Variants in BAG6 observed in about 807,000 individuals in gnomAD.
BAG6 encodes the protein BAG cochaperone 6, also known as large proline-rich protein BAG6.
BAG6 carries 22 observed loss-of-function variants against 121.0 expected under a neutral mutation model. The ratio of observed to expected loss-of-function variants is 0.18; its 90% CI spans 0.13 to 0.26. BAG6 has a LOEUF of 0.26. Among genes scored for constraint, BAG6 ranks in the 10% least tolerant of loss-of-function variants. BAG6 has a pLI of 1.00. For synonymous variants in BAG6, 583 were observed against 584.6 expected, an observed-to-expected ratio of 1.00 and a Z score of 0.04; for missense variants, 1,233 against 1,537.7, an observed-to-expected ratio of 0.80 and a Z score of 3.31.
chr6:31,641,434 G>A lies in BAG6; in HGVS notation c.2560-12C>T, dbSNP rs1461895036. Reference sequence around the variant, plus strand: ...ACCTGCACCAAGGACTGAGAGACAAGATAACACAAAGATCCCAAAATCAAG... The same window carrying A: ...ACCTGCACCAAGGACTGAGAGACAAAATAACACAAAGATCCCAAAATCAAG... On this transcript the variant is annotated splice_polypyrimidine_tract_variant and intron_variant, in intron 18 of 25. Coordinates refer to ENST00000676615, the MANE Select transcript of BAG6 (RefSeq NM_001387994.1). The surrounding 1 kb of genome is among the most constrained non-coding windows in gnomAD (Gnocchi z 5.7). The A allele has an allele frequency of 6.2e-7, 1 of 1,614,144 alleles. No homozygotes were observed. The highest frequency in any genetic ancestry group is 8.5e-7 in the Non-Finnish European group (1 of 1,180,014).
At chr6:31,648,396 C>T (rs182126612) in intron 6 of BAG6, among the ~76,000 whole-genome samples, 190 of 139,064 alleles carry the variant, frequency 1.4e-3, no homozygotes, top group African/African-American at 5.2e-3. Flanking sequence ...GTTGGTTTCC[C>T]AGCCTCCACA....
Position 31,643,919 on chromosome 6 carries a change from CCCA to C in BAG6, c.1724_1726del (p.Val575del). 1 of 1,613,426 alleles carries C rather than the reference CCCA, an allele frequency of 6.2e-7. No homozygotes were observed. Among genetic ancestry groups the C allele is most frequent in the Non-Finnish European group, 8.5e-7 (1 of 1,180,004 alleles). ...AAGGACTGGCTGCATAAGAAGCTGC[CCCA>C]CAAGGCCGCTCACCATCTGGGCCAA... On this transcript the variant is annotated inframe_deletion, in exon 14 of 26. Transcript: ENST00000676615.
At position 31,640,329 on chromosome 6, in the gene BAG6, G is replaced by T. The variant is rs1245973299; in HGVS notation, c.3139-23C>A. 1 of 1,614,200 alleles carries T rather than the reference G, an allele frequency of 6.2e-7. No individual in the cohort carries two copies. The highest frequency in any genetic ancestry group is 8.5e-7 in the Non-Finnish European group (1 of 1,180,020). On this transcript the variant is annotated intron_variant, in intron 23 of 25. Coordinates refer to ENST00000676615, the MANE Select transcript of BAG6 (RefSeq NM_001387994.1). The surrounding 1 kb of genome is among the most constrained non-coding windows in gnomAD (Gnocchi z 4.2). Reference sequence around the variant, plus strand: ...TTCCTGGGGAGGAAAAGAGAAAATAGTAATGTCCTTGACTTTCAGCTGCCA... The same window carrying T: ...TTCCTGGGGAGGAAAAGAGAAAATATTAATGTCCTTGACTTTCAGCTGCCA...
chr6:31,644,836 C>G lies in BAG6; in HGVS notation c.1369+110G>C. ...TTAAGCTTCTGCTCTGGTCCCCAGG[C>G]TACCACCACCAGCATGTGCCTCTCC... On this transcript the variant is annotated intron_variant, in intron 10 of 25. Coordinates refer to ENST00000676615, the MANE Select transcript of BAG6 (RefSeq NM_001387994.1). This position sits in a 1 kb window ranked among gnomAD's most constrained non-coding sequence, Gnocchi z 4.9. 1 of 1,498,080 alleles carries G rather than the reference C, an allele frequency of 6.7e-7. No homozygotes were observed. 92.8% of individuals were successfully genotyped at this position (1,498,080 alleles called of 1,614,324 possible). A position where few individuals can be genotyped will look rare whatever the true frequency, so the allele number is the denominator to read the frequency against.
rs767300755 is a variant in BAG6, at chr6:31,641,790, G to T, written c.2491C>A (p.Pro831Thr). 1.9e-6 allele frequency: 3 copies of T among 1,613,226 alleles called. No homozygotes were observed. The highest frequency in any genetic ancestry group is 2.5e-6 in the Non-Finnish European group (3 of 1,180,010). Residue 831 changes from proline to threonine, a missense_variant, in exon 17 of 26, where the codon CCC (proline) becomes ACC (threonine). Coordinates refer to ENST00000676615, the MANE Select transcript of BAG6 (RefSeq NM_001387994.1). This position sits in a 1 kb window ranked among gnomAD's most constrained non-coding sequence, Gnocchi z 5.7. ...CCTTCATTTACCCGGATGTTACTGG[G>T]TGTGGGCTCCTGACCACCCAGGTAG... is the stretch of plus-strand genomic sequence containing the variant. ...QHYLGGQEPTPSNIRMATHTL... is the reference protein window; with the variant it reads ...QHYLGGQEPTTSNIRMATHTL...
In BAG6 at chr6:31,644,625, T is replaced by C; in HGVS notation, c.1370-23A>G. ...AATCTGGGCAGGGAGACAGAGACAG[T>C]GGCCCTGAGGTAGGTAGGGCCAAGG... On this transcript the variant is annotated intron_variant, in intron 10 of 25. Transcript: ENST00000676615. This position sits in a 1 kb window ranked among gnomAD's most constrained non-coding sequence, Gnocchi z 4.9. 1 of 1,610,836 alleles carries C rather than the reference T, an allele frequency of 6.2e-7. No individual in the cohort carries two copies. Among genetic ancestry groups the C allele is most frequent in the East Asian group, 2.2e-5 (1 of 44,864 alleles).
Position 31,648,893 on chromosome 6 carries a change from T to C in BAG6, c.477+18A>G. ...TCTCCCAGATCCCCTTCCCTGACCC[T>C]CGGAGGCCCCTCAATACCTGAATCG... On this transcript the variant is annotated intron_variant, in intron 5 of 25. Coordinates refer to ENST00000676615, the MANE Select transcript of BAG6 (RefSeq NM_001387994.1). The C allele has an allele frequency of 6.5e-7, 1 of 1,545,242 alleles. No individual in the cohort carries two copies. The highest frequency in any genetic ancestry group is 8.7e-7 in the Non-Finnish European group (1 of 1,146,530).
intron 15 of BAG6, 80 bp from the exon 16 acceptor site, chr6:31,642,483 C>T: frequency 1.4e-6 from 1 of 700,584 alleles, no homozygotes; most frequent in Non-Finnish European, 2.4e-6. Flanking sequence ...ATCAAGAGGG[C>T]ACAAACCAAC....
rs1034496932 is a variant in BAG6 at position 31,644,614 on chromosome 6, G to A, written c.1370-12C>T. 2.5e-6 allele frequency: 4 copies of A among 1,612,062 alleles called. No individual in the cohort carries two copies. The African/African-American group carries it at 5.3e-5, about 22-fold the overall frequency. On this transcript the variant is annotated splice_polypyrimidine_tract_variant and intron_variant, in intron 10 of 25. Transcript: ENST00000676615. This position sits in a 1 kb window ranked among gnomAD's most constrained non-coding sequence, Gnocchi z 4.9. The stretch of plus-strand genomic sequence containing the variant: ...CTGTGTGCCAGAATCTGGGCAGGGA[G>A]ACAGAGACAGTGGCCCTGAGGTAGG...
At chr6:31,639,710 T>C in intron 24 of BAG6, 64 bp from the exon 25 acceptor site, 1 of 1,543,298 alleles carries the variant, frequency 6.5e-7, no homozygotes, top group Non-Finnish European at 8.8e-7. Context: ...ACCATCCGGC[T>C]CACCCTTTCC....
chr6:31,649,278 G>C lies in BAG6; in HGVS notation c.344C>G (p.Pro115Arg). The stretch of plus-strand genomic sequence containing the variant: ...AGAGGCCCCAGGCCCCCGAGTACCA[G>C]GGGGGGATCCCCCACCATGAGTGGC... ...ASATHGGGSP[P>R]GTRGPGASVH... Residue 115 changes from proline to arginine, a missense_variant, in exon 4 of 26, where the codon CCT becomes CGT. Physicochemically the swap from Pro to Arg is moderately radical, Grantham distance 103 (BLOSUM62 -2). Coordinates refer to ENST00000676615, the MANE Select transcript of BAG6 (RefSeq NM_001387994.1). The C allele has an allele frequency of 6.2e-7, 1 of 1,612,550 alleles. No individual in the cohort carries two copies. The highest frequency in any genetic ancestry group is 2.2e-5 in the East Asian group (1 of 44,868).
chr6:31,647,690 G>A lies in BAG6; in HGVS notation c.689C>T (p.Ala230Val), dbSNP rs142092554. The change falls in exon 7 of 26, where the codon GCA becomes GTA. Residue 230 changes from alanine (A) to valine (V), a missense_variant. Coordinates refer to ENST00000676615, the MANE Select transcript of BAG6 (RefSeq NM_001387994.1). ...TGGGGCACGCTCCTCCACTTCTTCT[G>A]CCTCCATGGGCTCCCGGGGAGGTGC... ...SEAPPREPMEAEEVEERAPAQ... is the reference protein window; with the variant it reads ...SEAPPREPMEVEEVEERAPAQ... The A allele has an allele frequency of 2.5e-6, 4 of 1,603,716 alleles. No individual in the cohort carries two copies. Among genetic ancestry groups the A allele is most frequent in the East Asian group, 2.3e-5 (1 of 44,042 alleles).
At chr6:31,647,999 C>T in intron 6 of BAG6, 173 bp from the exon 7 acceptor site, 4 of 462,274 alleles carry the variant, frequency 8.7e-6, no homozygotes, top group Non-Finnish European at 1.1e-5. Context: ...AAATTAGATG[C>T]ATAATAAGCA....
chr6:31,639,269 T>A, intron 25 of BAG6, 43 bp from the exon 26 acceptor site: 1 of 1,563,576 alleles, frequency 6.4e-7, no homozygotes, highest in Non-Finnish European at 8.8e-7. Flanking sequence ...GCTGGCCAAG[T>A]CCCCATGATC....
chr6:31,643,150 C>A, intron 14 of BAG6, 35 bp from the exon 15 acceptor site: 2 of 1,523,000 alleles, frequency 1.3e-6, no homozygotes, highest in South Asian at 1.2e-5. Context: ...CTGGGCTGAG[C>A]ATGGTGGCTC....
chr6:31,649,580 G>A lies in BAG6; in HGVS notation c.156C>T (p.Ile52=), dbSNP rs1039316583. ...FKEHIAASVS[I]PSEKQRLIYQ... ...AAATGAGCCGTTGTTTTTCAGATGG[G>A]ATGCTGACAGAGGCAGCAATGTGCT... Residue 52 remains isoleucine (I), a synonymous_variant, in exon 3 of 26, where the codon ATC becomes ATT. Coordinates refer to ENST00000676615, the MANE Select transcript of BAG6 (RefSeq NM_001387994.1). The A allele has an allele frequency of 6.2e-7, 1 of 1,614,142 alleles. No individual in the cohort carries two copies. The highest frequency in any genetic ancestry group is 8.5e-7 in the Non-Finnish European group (1 of 1,180,048).
chr6:31,645,082 A>C lies in BAG6; in HGVS notation c.1233T>G (p.Ser411=). Residue 411 remains serine, a synonymous_variant, in exon 10 of 26, where the codon TCT becomes TCG. Coordinates refer to ENST00000676615, the MANE Select transcript of BAG6 (RefSeq NM_001387994.1). ...CCTCAGCTGAGGACTCGACATTGGT[A>C]GAAGACGGAGCCACGGATGAGGCCT... ...PGQASSVAPS[S]TNVESSAEGA... is the part of the protein sequence containing the mutation. 6.2e-7 allele frequency: 1 copy of C among 1,612,970 alleles called. No homozygotes were observed. Among genetic ancestry groups the C allele is most frequent in the Non-Finnish European group, 8.5e-7 (1 of 1,180,006 alleles).
In BAG6 at chr6:31,642,951, G is replaced by T; in HGVS notation, c.1921C>A (p.Leu641Met). The part of the protein sequence containing the change: ...SMADLQFSQL[L>M]GNLLGPAGPG... Reference sequence around the variant, plus strand: ...CCTGCAGGCCCTAGCAGGTTCCCCAGAAGCTGAGAGAACTGAAGATCAGCC... The same window carrying T: ...CCTGCAGGCCCTAGCAGGTTCCCCATAAGCTGAGAGAACTGAAGATCAGCC... Residue 641 changes from leucine to methionine, a missense_variant, in exon 15 of 26, where the codon CTG becomes ATG. This residue lies in a region of BAG6 where 777 missense variants were observed against 861.4 expected (regional missense o/e 0.90). Transcript: ENST00000676615. 6.2e-7 allele frequency: 1 copy of T among 1,605,526 alleles called. No individual in the cohort carries two copies. The highest frequency in any genetic ancestry group is 8.5e-7 in the Non-Finnish European group (1 of 1,176,354).
intron 1 of BAG6, 127 bp from the exon 2 acceptor site, chr6:31,651,903 T>A (rs1371571982): frequency 1.6e-6 from 1 of 619,472 alleles, no homozygotes; most frequent in East Asian, 2.8e-5. Context: ...CATTCACACC[T>A]GTCCCCATCC....
Sources: allele counts gnomAD v4.1 joint callset (sites outside exome capture counted in the v4.1 genomes callset), GRCh38; gene constraint gnomAD v4.1.1; regional missense constraint gnomAD v4.1.1; non-coding constraint Gnocchi (gnomAD v3.1); transcripts MANE v1.5; gene names NCBI Gene and HGNC (gene_info 2026-07-23, HGNC 2026-07-21).